Variants in CPA5 observed in about 807,000 individuals in gnomAD.
CPA5 encodes the protein carboxypeptidase A5, also known as testicular tissue protein Li 32.
A neutral mutation model predicts 52.2 loss-of-function variants in CPA5; 38 were observed. The observed-to-expected ratio is 0.73, with a 90% CI of 0.56 to 0.95. The LOEUF is 0.95. CPA5 is among the 40% of genes least tolerant of loss of function. The pLI is 0.00. For missense variants in CPA5, 519 were observed against 566.7 expected (o/e 0.92, Z 0.86); for synonymous variants, 198 against 213.7 (o/e 0.93, Z 0.64).
chr7:130,360,500 C>T (rs1361996524), intron 6 of CPA5, among the ~76,000 whole-genome samples: 2 of 152,246 alleles, frequency 1.3e-5, no homozygotes, highest in African/African-American at 2.4e-5. Context: ...TCAAGGCACA[C>T]GTCTCATTTT....
intron 10 of CPA5, among the ~76,000 whole-genome samples, chr7:130,365,369 T>G (rs1796020961): frequency 6.6e-6 from 1 of 152,122 alleles, no homozygotes; most frequent in Admixed American, 6.5e-5. Context: ...AGAAAATAAC[T>G]TCTGTGGGTC....
chr7:130,364,468 C>T (rs185115465), intron 10 of CPA5, among the ~76,000 whole-genome samples: 1 of 152,344 alleles, frequency 6.6e-6, no homozygotes, highest in Admixed American at 6.5e-5. Flanking sequence ...GCTGGAATTA[C>T]AGGCATGAGC....
At chr7:130,367,345 C>T (rs781857244) in intron 10 of CPA5, 27 bp from the exon 11 acceptor site, 2 of 1,609,966 alleles carry the variant, frequency 1.2e-6, no homozygotes, top group East Asian at 2.2e-5. Context: ...GGATTTGACT[C>T]TTTGGGTGGC....
At chr7:130,359,820 C>A in intron 6 of CPA5, 133 bp downstream of exon 6, 1 of 624,642 alleles carries the variant, frequency 1.6e-6, no homozygotes, top group Non-Finnish European at 2.9e-6. Flanking sequence ...GACTGTACAG[C>A]AGACATTAGG....
chr7:130,357,312 C>CG (rs755641772), intron 5 of CPA5, among the ~76,000 whole-genome samples: 102 of 152,104 alleles, frequency 6.7e-4, no homozygotes, highest in Non-Finnish European at 1.4e-3. Flanking sequence ...CTCTTCCTGA[C>CG]GGGGGTGGAA....
chr7:130,348,065 C>T (rs1305276066), intron 4 of CPA5, among the ~76,000 whole-genome samples: 2 of 152,180 alleles, frequency 1.3e-5, no homozygotes, highest in African/African-American at 4.8e-5. Context: ...CTCTTCTAGC[C>T]ACCCACTCTC....
chr7:130,353,975 T>C (rs1554404629), intron 5 of CPA5, among the ~76,000 whole-genome samples: 6 of 152,238 alleles, frequency 3.9e-5, no homozygotes, highest in African/African-American at 1.4e-4. Context: ...TAGGCTTAAG[T>C]GCAGTGGCAC....
At chr7:130,352,885 T>C (rs1219049385) in intron 5 of CPA5, among the ~76,000 whole-genome samples, 1 of 151,884 alleles carries the variant, frequency 6.6e-6, no homozygotes, top group Non-Finnish European at 1.5e-5. Flanking sequence ...ATGGAAAAAC[T>C]TCACTTGAGC....
At chr7:130,363,766 C>A (rs1248535856) in intron 10 of CPA5, among the ~76,000 whole-genome samples, 2 of 152,172 alleles carry the variant, frequency 1.3e-5, no homozygotes, top group Non-Finnish European at 2.9e-5. Flanking sequence ...GGAGCCCCAG[C>A]TCCTGAAATG....
intron 5 of CPA5, among the ~76,000 whole-genome samples, chr7:130,356,740 C>T (rs1433692773): frequency 6.6e-6 from 1 of 152,226 alleles, no homozygotes; most frequent in African/African-American, 2.4e-5. Context: ...GTGTCCCAGG[C>T]TGTGTAGGGA....
intron 5 of CPA5, among the ~76,000 whole-genome samples, chr7:130,353,849 T>A (rs1554404604): frequency 2.0e-5 from 3 of 152,208 alleles, no homozygotes; most frequent in African/African-American, 4.8e-5. Flanking sequence ...AAGCATGTTG[T>A]TCCTCTGCTT....
At chr7:130,348,954 C>T (rs981301779) in intron 4 of CPA5, among the ~76,000 whole-genome samples, 3 of 152,160 alleles carry the variant, frequency 2.0e-5, no homozygotes, top group African/African-American at 4.8e-5. Flanking sequence ...CACTCCCCTC[C>T]GCGAGTCACT....
chr7:130,350,356 G>A (rs2081928009), intron 5 of CPA5, among the ~76,000 whole-genome samples: 1 of 152,140 alleles, frequency 6.6e-6, no homozygotes, highest in Non-Finnish European at 1.5e-5. Flanking sequence ...GTCCTCCTGG[G>A]GAGGGATTTG....
intron 5 of CPA5, among the ~76,000 whole-genome samples, chr7:130,352,050 CA>C (rs1554404075): frequency 6.6e-6 from 1 of 152,104 alleles, no homozygotes; most frequent in East Asian, 1.9e-4. Context: ...TGATAAATGT[CA>C]GTGGAACTAA....
chr7:130,349,035 G>A (rs116777365), intron 4 of CPA5, among the ~76,000 whole-genome samples: 71 of 152,188 alleles, frequency 4.7e-4, no homozygotes, highest in African/African-American at 1.7e-3. Context: ...ACCCTTATTC[G>A]ACTTAATAAT....
At position 130,350,010 on chromosome 7, in the gene CPA5, C is replaced by T. The variant is rs1554403481; in HGVS notation, c.234C>T (p.Leu78=). The T allele has an allele frequency of 6.2e-7, 1 of 1,613,958 alleles. No individual in the cohort carries two copies. Among genetic ancestry groups the T allele is most frequent in the South Asian group, 1.1e-5 (1 of 91,026 alleles). Residue 78 remains leucine (L), a synonymous_variant, in exon 5 of 13, where the codon CTC becomes CTT. Coordinates refer to ENST00000474905, the MANE Select transcript of CPA5 (RefSeq NM_080385.5). ...DFWRGPARPS[L]PVDMRVPFSE... ...GGCGTGGCCCAGCCAGGCCCAGCCT[C>T]CCTGTGGATATGAGAGTTCCTTTCT...
chr7:130,369,666 TGTGCATGTGC>T (rs2117482576), downstream of CPA5, among the ~76,000 whole-genome samples: 1 of 152,198 alleles, frequency 6.6e-6, no homozygotes, highest in African/African-American at 2.4e-5. Context: ...TGTGCACGTG[TGTGCATGTGC>T]GTGTGTGTGT....
chr7:130,360,788 G>A (rs912216611), intron 6 of CPA5, among the ~76,000 whole-genome samples: 4 of 152,156 alleles, frequency 2.6e-5, no homozygotes, highest in African/African-American at 9.7e-5. Context: ...TCTGTCAAAC[G>A]GATTGAATGG....
At chr7:130,348,378 T>C (rs1423076752) in intron 4 of CPA5, among the ~76,000 whole-genome samples, 3 of 152,246 alleles carry the variant, frequency 2.0e-5, no homozygotes, top group Non-Finnish European at 4.4e-5. Context: ...TAGGGGGCCA[T>C]TGGAACTACC....
Sources: allele counts gnomAD v4.1 joint callset (sites outside exome capture counted in the v4.1 genomes callset), GRCh38; gene constraint gnomAD v4.1.1; transcripts MANE v1.5; gene names NCBI Gene and HGNC (gene_info 2026-07-23, HGNC 2026-07-21).